The following PCYOX1 variants were observed in gnomAD, a reference collection of about 807,000 sequenced individuals.
PCYOX1 encodes the protein prenylcysteine lyase.
In PCYOX1, 46 loss-of-function variants were observed where a neutral mutation model predicts 46.4. That is an observed-to-expected ratio of 0.99 (90% CI 0.78 to 1.27). The LOEUF (loss-of-function observed/expected upper bound fraction) is 1.27, where lower values mean the gene tolerates loss of function less well. Ranked by LOEUF, PCYOX1 falls within the 50% of genes most tolerant of loss-of-function variation. PCYOX1 has a pLI of 0.00. For synonymous variants in PCYOX1, 220 were observed against 231.8 expected (o/e 0.95, Z 0.46); for missense variants, 658 against 628.3 (o/e 1.05, Z -0.51).
intron 3 of PCYOX1, among the ~76,000 whole-genome samples, chr2:70,269,334 ATTTTTTTTT>A (rs745493965): frequency 7.6e-6 from 1 of 131,708 alleles, no homozygotes; most frequent in African/African-American, 2.9e-5. Flanking sequence ...TGCCCAGCTA[ATTTTTTTTT>A]TTTTTTTTTT....
chr2:70,275,135 A>C lies in PCYOX1; in HGVS notation c.671A>C (p.Asn224Thr), dbSNP rs201962424. 9 of 1,614,020 alleles carry C rather than the reference A, an allele frequency of 5.6e-6. No homozygotes were observed. Among genetic ancestry groups the C allele is most frequent in the African/African-American group, 2.7e-5 (2 of 74,922 alleles). Residue 224 changes from asparagine (N) to threonine (T), a missense_variant, in exon 4 of 6, where the codon AAT becomes ACT. Transcript: ENST00000433351. ...NEMIAPVMRV[N>T]YGQSTDINAF... The stretch of plus-strand genomic sequence containing the variant: ...ATGATTGCTCCTGTTATGAGGGTCA[A>C]TTATGGCCAAAGCACGGACATCAAT...
Position 70,259,401 on chromosome 2 carries a change from T to G in PCYOX1, c.154T>G (p.Tyr52Asp), listed in dbSNP as rs1454585921. 2.5e-6 allele frequency: 4 copies of G among 1,614,196 alleles called. No individual in the cohort carries two copies. The highest frequency in any genetic ancestry group is 2.5e-6 in the Non-Finnish European group (3 of 1,180,030). ...AGIGGTSAAY[Y>D]LRQKFGKDVK... ...AATTGGTGGCACTTCAGCAGCCTAT[T>G]ACCTGCGGCAGAAATTTGGGAAAGA... The change falls in exon 2 of 6, where the codon TAC becomes GAC. Residue 52 changes from tyrosine to aspartate, a missense_variant. Tyr to Asp is a radical substitution (Grantham distance 160, BLOSUM62 -3). Coordinates refer to ENST00000433351, the MANE Select transcript of PCYOX1 (RefSeq NM_016297.4).
chr2:70,260,310 C>G (rs1446949315), intron 2 of PCYOX1, among the ~76,000 whole-genome samples: 3 of 152,018 alleles, frequency 2.0e-5, no homozygotes, highest in South Asian at 4.1e-4. Flanking sequence ...TTTGGGAGGC[C>G]GAGGCAGAGG....
Position 70,276,840 on chromosome 2 carries a change from G to T in PCYOX1, c.966G>T (p.Ser322=). The part of the protein sequence containing the change: ...LVATPLNRKM[S]NITFLNFDPP... ...CCACTCCGTTGAATCGAAAAATGTC[G>T]AATATTACTTTTCTCAACTTTGATC... Residue 322 remains serine, a synonymous_variant, in exon 6 of 6, where the codon TCG becomes TCT. Coordinates refer to ENST00000433351, the MANE Select transcript of PCYOX1 (RefSeq NM_016297.4). 2 of 1,613,264 alleles carry T rather than the reference G, an allele frequency of 1.2e-6. No individual in the cohort carries two copies. The highest frequency in any genetic ancestry group is 1.7e-6 in the Non-Finnish European group (2 of 1,179,340).
intron 3 of PCYOX1, among the ~76,000 whole-genome samples, chr2:70,270,742 T>C (rs1225852615): frequency 6.6e-6 from 1 of 152,220 alleles, no homozygotes; most frequent in Non-Finnish European, 1.5e-5. Flanking sequence ...ACCCCATGTA[T>C]TTCTAGTCTT....
chr2:70,258,389 G>A (rs1696379658), intron 1 of PCYOX1, 113 bp downstream of exon 1: 1 of 645,730 alleles, frequency 1.5e-6, no homozygotes, highest in Non-Finnish European at 2.5e-6. Flanking sequence ...GGTGCAGGCC[G>A]AGCCAGCTGC....
In PCYOX1 at chr2:70,281,014, A is replaced by G. The variant is rs1696766608; in HGVS notation, c.*3622A>G. On this transcript the variant is annotated 3_prime_UTR_variant, in exon 6 of 6. Transcript: ENST00000433351. Reference sequence around the variant, plus strand: ...CTCGTTTGAGCTTGTGGGCCATACAATTCATTAACTAGATGAATACATTGT... The same window carrying G: ...CTCGTTTGAGCTTGTGGGCCATACAGTTCATTAACTAGATGAATACATTGT... 1 of 152,192 alleles carries G rather than the reference A, an allele frequency of 6.6e-6. No individual in the cohort carries two copies. Among genetic ancestry groups the G allele is most frequent in the Non-Finnish European group, 1.5e-5 (1 of 68,040 alleles). The allele number at this position is 152,192 out of a possible 1,614,324, so 9.4% of individuals were successfully genotyped here. A position where few individuals can be genotyped will look rare whatever the true frequency, so the allele number is the denominator to read the frequency against.
At chr2:70,261,409 A>T (rs747561666) in intron 3 of PCYOX1, 23 bp downstream of exon 3, 105 of 1,504,356 alleles carry the variant, frequency 7.0e-5, no homozygotes, top group Non-Finnish European at 9.6e-5. Flanking sequence ...CCTTCCATTT[A>T]ACCTAAGATC....
chr2:70,275,554 A>G lies in PCYOX1; in HGVS notation c.747A>G (p.Ala249=), dbSNP rs1163700431. Residue 249 remains alanine (A), a synonymous_variant, in exon 5 of 6, where the codon GCA becomes GCG. Coordinates refer to ENST00000433351, the MANE Select transcript of PCYOX1 (RefSeq NM_016297.4). ...CCTGTTCTGATTCTGGCCTTTGGGC[A>G]GTAGAAGGTGGCAATAAACTTGTTT... ...SLSCSDSGLW[A]VEGGNKLVCS... The G allele has an allele frequency of 6.2e-7, 1 of 1,614,182 alleles. No homozygotes were observed. The highest frequency in any genetic ancestry group is 8.5e-7 in the Non-Finnish European group (1 of 1,180,018).
intron 3 of PCYOX1, among the ~76,000 whole-genome samples, chr2:70,263,955 G>A (rs1188959356): frequency 2.8e-5 from 4 of 143,406 alleles, no homozygotes; most frequent in African/African-American, 5.1e-5. Context: ...CACTGTGCCC[G>A]GCCCTCTTTT....
At chr2:70,258,350 C>A in intron 1 of PCYOX1, 74 bp downstream of exon 1, 2 of 922,234 alleles carry the variant, frequency 2.2e-6, no homozygotes, top group South Asian at 1.8e-5. Flanking sequence ...GCAGTGCGCC[C>A]AGATCCCACA....
At chr2:70,263,962 T>C (rs1386121848) in intron 3 of PCYOX1, among the ~76,000 whole-genome samples, 2 of 35,546 alleles carry the variant, frequency 5.6e-5, no homozygotes, top group African/African-American at 1.4e-4. Flanking sequence ...CCCGGCCCTC[T>C]TTTTTTTTTT....
intron 5 of PCYOX1, 74 bp from the exon 6 acceptor site, chr2:70,276,660 A>G: frequency 1.2e-6 from 1 of 810,942 alleles, no homozygotes; most frequent in Non-Finnish European, 2.0e-6. Flanking sequence ...AGAAATTATG[A>G]AGAAGGTATA....
At chr2:70,276,552 TACTG>T (rs1696675016) in intron 5 of PCYOX1, among the ~76,000 whole-genome samples, 178 bp from the exon 6 acceptor site, 1 of 152,206 alleles carries the variant, frequency 6.6e-6, no homozygotes, top group African/African-American at 2.4e-5. Flanking sequence ...ATTTTGTACT[TACTG>T]ACATTCTGAA....
chr2:70,277,602 G>T lies in PCYOX1; in HGVS notation c.*210G>T. On this transcript the variant is annotated 3_prime_UTR_variant, in exon 6 of 6. Coordinates refer to ENST00000433351, the MANE Select transcript of PCYOX1 (RefSeq NM_016297.4). Reference sequence around the variant, plus strand: ...TTATGCCATCTCCAAAATTTCTTAAGTATTCTTTCACTATCCATTAGGAGT... The same window carrying T: ...TTATGCCATCTCCAAAATTTCTTAATTATTCTTTCACTATCCATTAGGAGT... The T allele has an allele frequency of 2.1e-6, 1 of 478,538 alleles. No homozygotes were observed. The highest frequency in any genetic ancestry group is 3.7e-6 in the Non-Finnish European group (1 of 271,146). The allele number at this position is 478,538 out of a possible 1,614,324, so 29.6% of individuals were successfully genotyped here.
rs191538031 is a variant in PCYOX1, at chr2:70,258,423, A to T, written c.112+147A>T. On this transcript the variant is annotated intron_variant, in intron 1 of 5. Coordinates refer to ENST00000433351, the MANE Select transcript of PCYOX1 (RefSeq NM_016297.4). ...GCGCAGGTCGCGCTTTCCCCCATTC[A>T]CACTTCAGGGCGGCTTTCAGCTCTG... The T allele has an allele frequency of 3.7e-4, 196 of 528,786 alleles. No homozygotes were observed. The East Asian group carries it at 7.0e-3, about 19-fold the overall frequency. The allele number at this position is 528,786 out of a possible 1,614,324, so 32.8% of individuals were successfully genotyped here.
In PCYOX1 at chr2:70,259,570, T is replaced by G. The variant is rs1406736461; in HGVS notation, c.319+4T>G. 4 of 1,608,714 alleles carry G rather than the reference T, an allele frequency of 2.5e-6. No individual in the cohort carries two copies. In the South Asian group the frequency reaches 4.4e-5, roughly 18 times the overall value. On this transcript the variant is annotated splice_donor_region_variant and intron_variant, in intron 2 of 5. Transcript: ENST00000433351. ...AAACGTTTTGTCAAAGACCTGGGTATGTAATTTTGGTCTTGGAGCTCACCA... is the reference window on the plus strand; with the variant it reads ...AAACGTTTTGTCAAAGACCTGGGTAGGTAATTTTGGTCTTGGAGCTCACCA...
chr2:70,264,045 C>G (rs1045889455), intron 3 of PCYOX1, among the ~76,000 whole-genome samples: 6 of 150,200 alleles, frequency 4.0e-5, no homozygotes, highest in African/African-American at 1.5e-4. Context: ...TCACTGCAGC[C>G]TGGACCTCCT....
intron 3 of PCYOX1, among the ~76,000 whole-genome samples, chr2:70,273,393 A>G (rs1696628651): frequency 6.6e-6 from 1 of 152,194 alleles, no homozygotes; most frequent in Non-Finnish European, 1.5e-5. Flanking sequence ...TTTTCCAATA[A>G]AAATGTGTTT....
Sources: gnomAD v4.1 joint callset for allele counts (sites outside exome capture counted in the v4.1 genomes callset) on GRCh38, gnomAD v4.1.1 for gene constraint, MANE v1.5 for transcripts, NCBI Gene and HGNC (gene_info 2026-07-23, HGNC 2026-07-21) for gene names.